PRCP: variants seen among roughly 807,000 people sequenced by gnomAD.
The protein encoded by PRCP is lysosomal Pro-X carboxypeptidase.
A neutral mutation model predicts 54.2 loss-of-function variants in PRCP; 46 were observed. The observed-to-expected ratio is 0.85, with a 90% CI of 0.67 to 1.09. The LOEUF (loss-of-function observed/expected upper bound fraction) is 1.09, where lower values mean the gene tolerates loss of function less well. Ranked by LOEUF, PRCP falls within the 50% of genes least tolerant of loss-of-function variation. PRCP has a pLI of 0.00. For missense variants in PRCP, 613 were observed against 596.8 expected (o/e 1.03, Z -0.28); for synonymous variants, 240 against 212.2 (o/e 1.13, Z -1.14).
rs762836990 is a variant in PRCP at position 82,850,275 on chromosome 11, C to G, written c.593+49G>C. ...TTACCCAAAATGAATCTCTAAGTTT[C>G]CCTTGATAATCATTAAGAAACGTTC... On this transcript the variant is annotated intron_variant, in intron 4 of 8. Coordinates refer to ENST00000313010, the MANE Select transcript of PRCP (RefSeq NM_005040.4). The G allele has an allele frequency of 6.7e-6, 9 of 1,351,654 alleles. No individual in the cohort carries two copies. The South Asian group carries it at 2.0e-4, about 31-fold the overall frequency. 83.7% of individuals were successfully genotyped at this position (1,351,654 alleles called of 1,614,324 possible).
At position 82,824,694 on chromosome 11, in the gene PRCP, T is replaced by C. The variant is rs1858177342; in HGVS notation, c.*212A>G. ...TGTGGGAGAGCTATCAAGAAGATTCTTCCTAGACGTGGTGCAAAGACAGTG... is the reference window on the plus strand; with the variant it reads ...TGTGGGAGAGCTATCAAGAAGATTCCTCCTAGACGTGGTGCAAAGACAGTG... On this transcript the variant is annotated 3_prime_UTR_variant, in exon 9 of 9. Transcript: ENST00000313010. The C allele has an allele frequency of 1.5e-5, 8 of 547,262 alleles. No individual in the cohort carries two copies. Among genetic ancestry groups the C allele is most frequent in the Non-Finnish European group, 2.3e-5 (7 of 308,444 alleles). The allele number at this position is 547,262 out of a possible 1,614,324, so 33.9% of individuals were successfully genotyped here.
At chr11:82,834,696 C>T (rs1242864171) in intron 8 of PRCP, among the ~76,000 whole-genome samples, 4 of 152,122 alleles carry the variant, frequency 2.6e-5, no homozygotes, top group African/African-American at 9.7e-5. Flanking sequence ...GGGAGCTGAA[C>T]AATGAGAACA....
chr11:82,825,174 C>T, intron 8 of PRCP, 52 bp from the exon 9 acceptor site: 1 of 1,489,152 alleles, frequency 6.7e-7, no homozygotes, highest in Admixed American at 2.0e-5. Context: ...TTCATGTTAA[C>T]ACTCAGATAA....
At chr11:82,826,221 A>G (rs1858229791) in intron 8 of PRCP, 1 of 152,248 alleles carries the variant, frequency 6.6e-6, no homozygotes, top group African/African-American at 2.4e-5. Flanking sequence ...GGAATTAAAT[A>G]GTAGGCGGTC....
intron 6 of PRCP, among the ~76,000 whole-genome samples, chr11:82,844,295 C>T (rs1283672544): frequency 6.6e-6 from 1 of 152,078 alleles, no homozygotes; most frequent in Non-Finnish European, 1.5e-5. Context: ...CAAATACAGA[C>T]TCTAGTAATC....
At chr11:82,880,801 G>A (rs1483763223) in intron 1 of PRCP, among the ~76,000 whole-genome samples, 1 of 150,482 alleles carries the variant, frequency 6.6e-6, no homozygotes, top group African/African-American at 2.4e-5. Context: ...CTAGAGAGGA[G>A]GAAATGTGTG....
rs1447623037 is a variant in PRCP at position 82,823,639 on chromosome 11, G to C, written c.*1267C>G. ...GCAGGGTGAAGAAAAAAAAATTATT[G>C]AGAGAAAATGAAAAGAAACAAGGAG... On this transcript the variant is annotated 3_prime_UTR_variant, in exon 9 of 9. Transcript: ENST00000313010. 6.6e-6 allele frequency: 1 copy of C among 152,014 alleles called. No individual in the cohort carries two copies. The highest frequency in any genetic ancestry group is 2.4e-5 in the African/African-American group (1 of 41,388). The allele number at this position is 152,014 out of a possible 1,614,324, so 9.4% of individuals were successfully genotyped here.
chr11:82,823,034 A>G lies in PRCP; in HGVS notation c.*1872T>C, dbSNP rs546157176. Reference sequence around the variant, plus strand: ...CAATTCTTTTTCATGTTAAAATTAAACCTTAGCATATTATAATTATACTCA... The same window carrying G: ...CAATTCTTTTTCATGTTAAAATTAAGCCTTAGCATATTATAATTATACTCA... On this transcript the variant is annotated 3_prime_UTR_variant, in exon 9 of 9. Transcript: ENST00000313010. 6.6e-6 allele frequency among the ~76,000 whole-genome samples: 1 copy of G among 152,184 alleles called. No individual in the cohort carries two copies. The highest frequency in any genetic ancestry group is 2.4e-5 in the African/African-American group (1 of 41,440).
intron 1 of PRCP, among the ~76,000 whole-genome samples, chr11:82,869,437 A>G (rs1337676665): frequency 1.3e-5 from 2 of 151,698 alleles, no homozygotes; most frequent in Non-Finnish European, 2.9e-5. Context: ...CGGTATAGAG[A>G]GACAGAAGAA....
intron 1 of PRCP, among the ~76,000 whole-genome samples, chr11:82,862,887 T>A (rs142202375): frequency 6.6e-4 from 100 of 152,274 alleles, no homozygotes; most frequent in African/African-American, 2.3e-3. Context: ...AGCAATGGGA[T>A]AAAGAGTTGG....
At chr11:82,830,455 C>G (rs999543587) in intron 8 of PRCP, 1 of 151,696 alleles carries the variant, frequency 6.6e-6, no homozygotes, top group African/African-American at 2.4e-5. Context: ...TGGTGAAACC[C>G]TGCCTCTACT....
chr11:82,884,727 CT>C, intron 1 of PRCP: 1 of 1,563,594 alleles, frequency 6.4e-7, no homozygotes, highest in Non-Finnish European at 8.7e-7. Flanking sequence ...ACAGACCTGA[CT>C]TTCAGTGCCA....
At chr11:82,899,975 G>A in intron 1 of PRCP, 1 of 471,264 alleles carries the variant, frequency 2.1e-6, no homozygotes, top group Non-Finnish European at 3.8e-6. Flanking sequence ...GGGAGTTGAA[G>A]TGACTGTCGT....
intron 1 of PRCP, among the ~76,000 whole-genome samples, chr11:82,874,545 G>C (rs961698983): frequency 2.6e-5 from 4 of 151,752 alleles, no homozygotes; most frequent in Non-Finnish European, 5.9e-5. Context: ...ACAAAAATTA[G>C]CATGGCATAA....
At chr11:82,875,697 A>G (rs1859586811) in intron 1 of PRCP, among the ~76,000 whole-genome samples, 2 of 152,200 alleles carry the variant, frequency 1.3e-5, no homozygotes, top group African/African-American at 4.8e-5. Flanking sequence ...AATTATTTCT[A>G]TATAAGGAAT....
intron 1 of PRCP, among the ~76,000 whole-genome samples, chr11:82,884,225 C>T (rs1474104806): frequency 1.3e-5 from 2 of 152,122 alleles, no homozygotes; most frequent in African/African-American, 4.8e-5. Flanking sequence ...ATGATGCTGG[C>T]CAAACATGCT....
intron 1 of PRCP, among the ~76,000 whole-genome samples, chr11:82,882,296 A>G (rs1196254464): frequency 3.3e-5 from 5 of 152,178 alleles, no homozygotes; most frequent in Non-Finnish European, 7.4e-5. Context: ...TAGTATTCAT[A>G]GTAATGTGAA....
chr11:82,886,765 T>C (rs1056730125), intron 1 of PRCP, among the ~76,000 whole-genome samples: 4 of 152,190 alleles, frequency 2.6e-5, no homozygotes, highest in African/African-American at 9.7e-5. Flanking sequence ...TTTTCCTCTA[T>C]AAAATTGTAG....
intron 1 of PRCP, among the ~76,000 whole-genome samples, chr11:82,885,693 G>A (rs1433880253): frequency 1.3e-5 from 2 of 152,180 alleles, no homozygotes; most frequent in Non-Finnish European, 2.9e-5. Flanking sequence ...ATGCAAGATA[G>A]GGACATGCAA....
Sources: allele counts gnomAD v4.1 joint callset (sites outside exome capture counted in the v4.1 genomes callset), GRCh38; gene constraint gnomAD v4.1.1; transcripts MANE v1.5; gene names NCBI Gene and HGNC (gene_info 2026-07-23, HGNC 2026-07-21).